The following RNF43 variants were observed in gnomAD, a reference collection of about 807,000 sequenced individuals.
The protein encoded by RNF43 is ring finger protein 43, also known as E3 ubiquitin-protein ligase RNF43.
RNF43 carries 37 observed loss-of-function variants against 78.4 expected under a neutral mutation model. The observed-to-expected ratio is 0.47, with a 90% CI of 0.36 to 0.62. The LOEUF is 0.62. RNF43 is among the 20% of genes least tolerant of loss of function. RNF43 has a pLI of 0.00. For missense variants in RNF43, 774 were observed against 1,007.9 expected, an observed-to-expected ratio of 0.77 and a Z score of 3.14; for synonymous variants, 347 against 395.0, an observed-to-expected ratio of 0.88 and a Z score of 1.44.
rs369190594 is a variant in RNF43 at position 58,415,678 on chromosome 17, T to C, written c.-101A>G. On this transcript the variant is annotated 5_prime_UTR_variant, in exon 2 of 10. Transcript: ENST00000407977. ...CCAGACAAATGGAGGAAAAGAACAT[T>C]TATGCTTCCGTTTCAGAAAGCCAAG... 2.9e-6 allele frequency: 4 copies of C among 1,376,730 alleles called. No individual in the cohort carries two copies. In the African/African-American group the frequency reaches 5.8e-5, roughly 20 times the overall value. 85.3% of individuals were successfully genotyped at this position (1,376,730 alleles called of 1,614,324 possible). A position where few individuals can be genotyped will look rare whatever the true frequency, so the allele number is the denominator to read the frequency against.
Position 58,398,664 on chromosome 17 carries a change from G to A in RNF43, c.252+16662C>T, listed in dbSNP as rs575662635. Among the ~76,000 whole-genome samples, 6 of 152,240 alleles carry A rather than the reference G, an allele frequency of 3.9e-5. No individual in the cohort carries two copies. In the South Asian group the frequency reaches 1.2e-3, roughly 32 times the overall value. ...GGAGTCTAGCAATCATTCATTCTTA[G>A]CACTGTATTGCTCAGTATCTCAAGA... On this transcript the variant is annotated intron_variant, in intron 2 of 9. Coordinates refer to ENST00000407977, the MANE Select transcript of RNF43 (RefSeq NM_017763.6).
Position 58,415,419 on chromosome 17 carries a change from C to T in RNF43, c.159G>A (p.Leu53=), listed in dbSNP as rs2143695509. The change falls in exon 2 of 10, where the codon TTG becomes TTA. Residue 53 remains leucine (L), a synonymous_variant. Coordinates refer to ENST00000407977, the MANE Select transcript of RNF43 (RefSeq NM_017763.6). The part of the protein sequence containing the change: ...EQKAIIRVIP[L]KMDPTGKLNL... ...TCAGTTTTCCTGTGGGGTCCATTTTCAAGGGGATCACTCTGATAATAGCTT... is the reference window on the plus strand; with the variant it reads ...TCAGTTTTCCTGTGGGGTCCATTTTTAAGGGGATCACTCTGATAATAGCTT... 1 of 1,614,212 alleles carries T rather than the reference C, an allele frequency of 6.2e-7. No individual in the cohort carries two copies.
intron 2 of RNF43, among the ~76,000 whole-genome samples, chr17:58,376,686 C>T (rs940639820): frequency 2.0e-5 from 3 of 152,126 alleles, no homozygotes; most frequent in African/African-American, 7.2e-5. Flanking sequence ...TGCAAGGTCT[C>T]CTAATCATGA....
intron 4 of RNF43, 49 bp from the exon 5 acceptor site, chr17:58,363,455 T>A (rs1034826397): frequency 1.9e-6 from 3 of 1,613,688 alleles, no homozygotes; most frequent in African/African-American, 1.3e-5. Flanking sequence ...TCCCTGCCCT[T>A]CCCTCTCCCC....
intron 2 of RNF43, among the ~76,000 whole-genome samples, chr17:58,371,444 G>A (rs1019388218): frequency 1.1e-4 from 16 of 152,252 alleles, no homozygotes; most frequent in African/African-American, 3.9e-4. Context: ...ATATCCATGT[G>A]TGCCTGCATC....
At chr17:58,399,499 C>A (rs191223997) in intron 2 of RNF43, among the ~76,000 whole-genome samples, 1 of 152,290 alleles carries the variant, frequency 6.6e-6, no homozygotes, top group African/African-American at 2.4e-5. Flanking sequence ...CATGTTGGGA[C>A]CAGCACAGTA....
downstream of RNF43, chr17:58,352,836 C>T (rs913576775): frequency 4.6e-6 from 1 of 219,370 alleles, no homozygotes; most frequent in African/African-American, 2.2e-5. Context: ...AGACACGGTT[C>T]CTTTACTAAA....
At chr17:58,416,650 G>C (rs969158165) in intron 1 of RNF43, 3 of 152,166 alleles carry the variant, frequency 2.0e-5, no homozygotes, top group Admixed American at 2.0e-4. Flanking sequence ...AATTCCCTGA[G>C]GGGGTAGGGA....
At chr17:58,383,240 G>A (rs142900057) in intron 2 of RNF43, among the ~76,000 whole-genome samples, 112 of 152,074 alleles carry the variant, frequency 7.4e-4, no homozygotes, top group Middle Eastern at 3.4e-3. Flanking sequence ...TTTTTCCCCC[G>A]TCCTTTATTA....
rs567622007 is a variant in RNF43 at position 58,399,495 on chromosome 17, G to A, written c.252+15831C>T. Among the ~76,000 whole-genome samples, 43 of 152,268 alleles carry A rather than the reference G, an allele frequency of 2.8e-4. 1 individual carries two copies. The highest frequency in any genetic ancestry group is 4.7e-4 in the Non-Finnish European group (32 of 68,016). ...TCTGCTGAGTTTCAGAAAACATGTTGGGACCAGCACAGTATAATGAACTGG... is the reference window on the plus strand; with the variant it reads ...TCTGCTGAGTTTCAGAAAACATGTTAGGACCAGCACAGTATAATGAACTGG... On this transcript the variant is annotated intron_variant, in intron 2 of 9. Transcript: ENST00000407977.
chr17:58,379,843 GAACTT>G (rs1406509685), intron 2 of RNF43, among the ~76,000 whole-genome samples: 3 of 152,196 alleles, frequency 2.0e-5, no homozygotes, highest in Non-Finnish European at 4.4e-5. Flanking sequence ...CCAAGAAGTA[GAACTT>G]TTATATCATT....
chr17:58,415,473 C>G lies in RNF43; in HGVS notation c.105G>C (p.Ala35=), dbSNP rs749390535. 2 of 1,613,944 alleles carry G rather than the reference C, an allele frequency of 1.2e-6. No homozygotes were observed. Among genetic ancestry groups the G allele is most frequent in the Non-Finnish European group, 1.7e-6 (2 of 1,180,024 alleles). ...FGRTGLVLAA[A]VESERSAEQK... The stretch of plus-strand genomic sequence containing the variant: ...GTTCTGCTGATCTTTCAGACTCCAC[C>G]GCTGCTGCCAGTACCAGTCCTGTGC... Residue 35 remains alanine (A), a synonymous_variant, in exon 2 of 10, where the codon GCG becomes GCC. Transcript: ENST00000407977.
At chr17:58,353,023 C>T (rs1972596039), downstream of RNF43, 1 of 217,206 alleles carries the variant, frequency 4.6e-6, no homozygotes, top group African/African-American at 2.3e-5. Context: ...GCCCTGGAGA[C>T]TTCACGCCAA....
At position 58,358,837 on chromosome 17, in the gene RNF43, C is replaced by T. The variant is rs569400929; in HGVS notation, c.953-14G>A. 2 of 1,478,828 alleles carry T rather than the reference C, an allele frequency of 1.4e-6. No individual in the cohort carries two copies. Among genetic ancestry groups the T allele is most frequent in the Non-Finnish European group, 1.8e-6 (2 of 1,118,992 alleles). 91.6% of individuals were successfully genotyped at this position (1,478,828 alleles called of 1,614,324 possible). A position where few individuals can be genotyped will look rare whatever the true frequency, so the allele number is the denominator to read the frequency against. ...ATGAATCTCCCTCTGGAAAAAAGAA[C>T]CAAGAGCACAGATGTTTAACTCTAC... On this transcript the variant is annotated splice_polypyrimidine_tract_variant and intron_variant, in intron 8 of 9. Coordinates refer to ENST00000407977, the MANE Select transcript of RNF43 (RefSeq NM_017763.6). The surrounding 1 kb of genome is among the most constrained non-coding windows in gnomAD (Gnocchi z 6.2).
chr17:58,363,455 TC>T (rs1972884168), intron 4 of RNF43, 49 bp from the exon 5 acceptor site: 1 of 1,613,688 alleles, frequency 6.2e-7, no homozygotes. Context: ...TCCCTGCCCT[TC>T]CCTCTCCCCT....
intron 2 of RNF43, among the ~76,000 whole-genome samples, chr17:58,378,445 C>T (rs912950012): frequency 1.3e-5 from 2 of 151,838 alleles, no homozygotes; most frequent in Non-Finnish European, 2.9e-5. Flanking sequence ...TTTGTAGAGA[C>T]AAGGTTTCAC....
chr17:58,370,073 T>TG (rs1267661827), intron 3 of RNF43, among the ~76,000 whole-genome samples: 4 of 100,900 alleles, frequency 4.0e-5, no homozygotes, highest in Non-Finnish European at 8.9e-5. Flanking sequence ...TTTTTTTTTT[T>TG]TTTTTTTTTT....
At chr17:58,411,775 C>T (rs561119861) in intron 2 of RNF43, among the ~76,000 whole-genome samples, 2 of 152,146 alleles carry the variant, frequency 1.3e-5, no homozygotes, top group South Asian at 2.1e-4. Flanking sequence ...AAATGATAAA[C>T]AGGATTGAGA....
chr17:58,354,859 C>T lies in RNF43; in HGVS notation c.*84G>A. 1.6e-6 allele frequency: 2 copies of T among 1,247,430 alleles called. No individual in the cohort carries two copies. The highest frequency in any genetic ancestry group is 2.4e-6 in the Non-Finnish European group (2 of 846,950). 77.3% of individuals were successfully genotyped at this position (1,247,430 alleles called of 1,614,324 possible). On this transcript the variant is annotated 3_prime_UTR_variant, in exon 10 of 10. Coordinates refer to ENST00000407977, the MANE Select transcript of RNF43 (RefSeq NM_017763.6). ...AGAATGGTGTTTGCTGTGGTCCTTTCCTTTCCCAGGAGCAGGACTCTGTGC... is the reference window on the plus strand; with the variant it reads ...AGAATGGTGTTTGCTGTGGTCCTTTTCTTTCCCAGGAGCAGGACTCTGTGC...
Sources: allele counts gnomAD v4.1 joint callset (sites outside exome capture counted in the v4.1 genomes callset), GRCh38; gene constraint gnomAD v4.1.1; non-coding constraint Gnocchi (gnomAD v3.1); transcripts MANE v1.5; gene names NCBI Gene and HGNC (gene_info 2026-07-23, HGNC 2026-07-21).